The following RCOR3 variants were observed in gnomAD, a reference collection of about 807,000 sequenced individuals.
RCOR3 encodes the protein REST corepressor 3.
A neutral mutation model predicts 64.1 loss-of-function variants in RCOR3; 13 were observed. The ratio of observed to expected loss-of-function variants is 0.20; its 90% CI spans 0.13 to 0.32. RCOR3 has a LOEUF of 0.32. RCOR3 is among the 10% of genes least tolerant of loss of function. The pLI is 1.00. For missense variants in RCOR3, 489 were observed against 701.2 expected (o/e 0.70, Z 3.42); for synonymous variants, 215 against 239.0 (o/e 0.90, Z 0.93).
At chr1:211,301,930 G>T (rs990466084) in intron 9 of RCOR3, 8 of 151,980 alleles carry the variant, frequency 5.3e-5, no homozygotes, top group African/African-American at 1.7e-4. Context: ...ATTTGCTTAG[G>T]CAGTGTGCCA....
intron 9 of RCOR3, chr1:211,301,792 C>A (rs943144157): frequency 2.2e-4 from 34 of 152,024 alleles, no homozygotes; most frequent in African/African-American, 7.7e-4. Context: ...GATTTGTAAG[C>A]TTTCTGAAGT....
intron 3 of RCOR3, 86 bp from the exon 4 acceptor site, chr1:211,274,124 T>C: frequency 1.1e-6 from 1 of 890,016 alleles, no homozygotes; most frequent in Non-Finnish European, 1.7e-6. Flanking sequence ...ATAAATTGTT[T>C]TAATTTGCTA....
intron 3 of RCOR3, among the ~76,000 whole-genome samples, chr1:211,272,554 A>G (rs1571832331): frequency 7.3e-6 from 1 of 137,362 alleles, no homozygotes; most frequent in East Asian, 2.2e-4. Context: ...ACTTATGTCT[A>G]GTCTCTTTCT....
At chr1:211,261,687 T>A (rs745985467) in intron 2 of RCOR3, among the ~76,000 whole-genome samples, 4 of 151,978 alleles carry the variant, frequency 2.6e-5, no homozygotes, top group Non-Finnish European at 5.9e-5. Context: ...TTTGGGAGGC[T>A]GAGGCGGGTG....
rs1701669677 is a variant in RCOR3 at position 211,313,222 on chromosome 1, CTGTT to C, written c.1318-199_1318-196del. On this transcript the variant is annotated intron_variant, in intron 11 of 11. Coordinates refer to ENST00000419091, the MANE Select transcript of RCOR3 (RefSeq NM_001136223.3). The surrounding 1 kb of genome is among the most constrained non-coding windows in gnomAD (Gnocchi z 4.7). ...TTAAGCTGTTTACAAATAAAGATGC[CTGTT>C]TGGTAGCCTCATTGGTTTTTGGTTT... 7.0e-7 allele frequency: 1 copy of C among 1,428,982 alleles called. No individual in the cohort carries two copies. The highest frequency in any genetic ancestry group is 1.4e-5 in the African/African-American group (1 of 69,550). The allele number at this position is 1,428,982 out of a possible 1,614,324, so 88.5% of individuals were successfully genotyped here.
rs764627770 is a variant in RCOR3 at position 211,279,289 on chromosome 1, T to C, written c.693T>C (p.Tyr231=). The C allele has an allele frequency of 1.2e-6, 2 of 1,612,816 alleles. No homozygotes were observed. Among genetic ancestry groups the C allele is most frequent in the Non-Finnish European group, 8.5e-7 (1 of 1,179,280 alleles). The part of the protein sequence containing the change: ...THPMDGNDSD[Y]DPKKEAKKEG... Reference sequence around the variant, plus strand: ...CAATGGATGGGAATGATAGTGATTATGATCCCAAAAAAGAAGCCAAAAAAG... The same window carrying C: ...CAATGGATGGGAATGATAGTGATTACGATCCCAAAAAAGAAGCCAAAAAAG... The change falls in exon 7 of 12, where the codon TAT becomes TAC. Residue 231 remains tyrosine, a synonymous_variant. Coordinates refer to ENST00000419091, the MANE Select transcript of RCOR3 (RefSeq NM_001136223.3).
chr1:211,301,258 T>C (rs192103477), intron 9 of RCOR3, among the ~76,000 whole-genome samples: 14 of 152,300 alleles, frequency 9.2e-5, no homozygotes, highest in Non-Finnish European at 2.1e-4. Flanking sequence ...GAATGTCGAA[T>C]ACCTCATTCT....
At chr1:211,263,250 A>G (rs1278604079) in intron 2 of RCOR3, among the ~76,000 whole-genome samples, 1 of 151,484 alleles carries the variant, frequency 6.6e-6, no homozygotes, top group Non-Finnish European at 1.5e-5. Flanking sequence ...TATGTGCCAC[A>G]TTTTCTTAAT....
At chr1:211,266,273 ATATAG>A (rs1422447668) in intron 2 of RCOR3, among the ~76,000 whole-genome samples, 3 of 152,114 alleles carry the variant, frequency 2.0e-5, no homozygotes, top group African/African-American at 7.2e-5. Context: ...TAAGTTCTTT[ATATAG>A]TATATTTGTT....
At chr1:211,297,591 T>C (rs1266391427) in intron 9 of RCOR3, among the ~76,000 whole-genome samples, 1 of 152,202 alleles carries the variant, frequency 6.6e-6, no homozygotes, top group Non-Finnish European at 1.5e-5. Flanking sequence ...TTTTGATTTA[T>C]TATAAAAATA....
chr1:211,299,298 G>A (rs1700147361), intron 9 of RCOR3, among the ~76,000 whole-genome samples: 1 of 152,160 alleles, frequency 6.6e-6, no homozygotes, highest in African/African-American at 2.4e-5. Context: ...AAATTAATAT[G>A]TCTCCTTGAA....
At position 211,313,905 on chromosome 1, in the gene RCOR3, A is replaced by G. The variant is rs998728972; in HGVS notation, c.*137A>G. Reference sequence around the variant, plus strand: ...ACTAGTTCTGTGGCAGTGGACTAGCATAAGTGGATGTCTAAGAAATTTTTC... The same window carrying G: ...ACTAGTTCTGTGGCAGTGGACTAGCGTAAGTGGATGTCTAAGAAATTTTTC... On this transcript the variant is annotated 3_prime_UTR_variant, in exon 12 of 12. Transcript: ENST00000419091. This position sits in a 1 kb window ranked among gnomAD's most constrained non-coding sequence, Gnocchi z 4.7. The G allele has an allele frequency of 1.7e-5, 14 of 820,358 alleles. No individual in the cohort carries two copies. The highest frequency in any genetic ancestry group is 8.8e-5 in the Admixed American group (3 of 34,092). The allele number at this position is 820,358 out of a possible 1,614,324, so 50.8% of individuals were successfully genotyped here.
At position 211,313,901 on chromosome 1, in the gene RCOR3, T is replaced by A; in HGVS notation, c.*133T>A. 1 of 839,556 alleles carries A rather than the reference T, an allele frequency of 1.2e-6. No individual in the cohort carries two copies. The highest frequency in any genetic ancestry group is 1.8e-6 in the Non-Finnish European group (1 of 554,538). The allele number at this position is 839,556 out of a possible 1,614,324, so 52.0% of individuals were successfully genotyped here. On this transcript the variant is annotated 3_prime_UTR_variant, in exon 12 of 12. Coordinates refer to ENST00000419091, the MANE Select transcript of RCOR3 (RefSeq NM_001136223.3). This position sits in a 1 kb window ranked among gnomAD's most constrained non-coding sequence, Gnocchi z 4.7. ...GCGAACTAGTTCTGTGGCAGTGGACTAGCATAAGTGGATGTCTAAGAAATT... is the reference window on the plus strand; with the variant it reads ...GCGAACTAGTTCTGTGGCAGTGGACAAGCATAAGTGGATGTCTAAGAAATT...
At chr1:211,275,246 A>C (rs981081083) in intron 4 of RCOR3, among the ~76,000 whole-genome samples, 1 of 152,068 alleles carries the variant, frequency 6.6e-6, no homozygotes, top group Non-Finnish European at 1.5e-5. Context: ...CTGGGTTATC[A>C]AGAGCTAACT....
At chr1:211,265,257 T>G (rs1447266332) in intron 2 of RCOR3, among the ~76,000 whole-genome samples, 1 of 151,600 alleles carries the variant, frequency 6.6e-6, no homozygotes, top group Non-Finnish European at 1.5e-5. Context: ...TTTAAATGTA[T>G]CCAATTAAAT....
chr1:211,267,817 T>C, intron 2 of RCOR3: 2 of 358,018 alleles, frequency 5.6e-6, no homozygotes, highest in Middle Eastern at 7.9e-4. Flanking sequence ...GGTCTCAAAC[T>C]CCGGGGCTCA....
intron 9 of RCOR3, among the ~76,000 whole-genome samples, chr1:211,300,322 G>A (rs1011006798): frequency 5.3e-5 from 8 of 151,718 alleles, no homozygotes; most frequent in East Asian, 1.9e-4. Flanking sequence ...CACCTGCCTC[G>A]GCCTCCCAAA....
intron 10 of RCOR3, among the ~76,000 whole-genome samples, chr1:211,311,208 C>G (rs960288591): frequency 6.6e-6 from 1 of 152,092 alleles, no homozygotes; most frequent in Non-Finnish European, 1.5e-5. Context: ...GGAAATCAAC[C>G]TCATGGGTTT....
rs149474234 is a variant in RCOR3, at chr1:211,286,610, A to G, written c.721-2568A>G. ...GCGTGAGCCACTGTGCCCAGCCGGG[A>G]TGTTTCTATATTTCTATTCTTATTG... On this transcript the variant is annotated intron_variant, in intron 7 of 11. Coordinates refer to ENST00000419091, the MANE Select transcript of RCOR3 (RefSeq NM_001136223.3). 4.3e-3 allele frequency among the ~76,000 whole-genome samples: 655 copies of G among 152,082 alleles called. 3 individuals are homozygous for G. The highest frequency in any genetic ancestry group is 0.015 in the African/African-American group (628 of 41,496).
Sources: allele counts gnomAD v4.1 joint callset (sites outside exome capture counted in the v4.1 genomes callset), GRCh38; gene constraint gnomAD v4.1.1; non-coding constraint Gnocchi (gnomAD v3.1); transcripts MANE v1.5; gene names NCBI Gene and HGNC (gene_info 2026-07-23, HGNC 2026-07-21).